Variants in PCDHA3 observed in about 807,000 individuals in gnomAD.
PCDHA3 encodes the protein protocadherin alpha-3.
In PCDHA3, 41 loss-of-function variants were observed where a neutral mutation model predicts 62.2. The observed-to-expected ratio is 0.66, with a 90% CI of 0.51 to 0.86. PCDHA3 has a LOEUF of 0.86. Among genes scored for constraint, PCDHA3 ranks in the 40% least tolerant of loss-of-function variants. The pLI, the probability that PCDHA3 is intolerant of heterozygous loss-of-function variation, is 0.00. For missense variants in PCDHA3, 1,304 were observed against 1,241.2 expected, an observed-to-expected ratio of 1.05 and a Z score of -0.76; for synonymous variants, 640 against 555.4, an observed-to-expected ratio of 1.15 and a Z score of -2.14.
chr5:140,895,136 A>G (rs781801401), intron 1 of PCDHA3, among the ~76,000 whole-genome samples: 43 of 152,306 alleles, frequency 2.8e-4, no homozygotes, highest in Non-Finnish European at 5.6e-4. Context: ...ACAAGTTCAT[A>G]GGGCTAAGAC....
chr5:140,903,647 T>A (rs1583499959), intron 1 of PCDHA3, among the ~76,000 whole-genome samples: 1 of 152,228 alleles, frequency 6.6e-6, no homozygotes, highest in East Asian at 1.9e-4. Flanking sequence ...ACCATATACA[T>A]ATATTATAAA....
chr5:140,830,083 G>A (rs141570762), intron 1 of PCDHA3: 64 of 1,613,578 alleles, frequency 4.0e-5, no homozygotes, highest in Non-Finnish European at 5.1e-5. Flanking sequence ...CGACGGCCAC[G>A]GTTCTGGTGT....
At position 140,801,227 on chromosome 5, in the gene PCDHA3, A is replaced by T. The variant is rs781843722; in HGVS notation, c.30A>T (p.Gly10=). Reference sequence around the variant, plus strand: ...TGTTCTCCTGGCGAGAAGATCCTGGAGCCCAGTGCCTGCTGCTTTCTCTTC... The same window carrying T: ...TGTTCTCCTGGCGAGAAGATCCTGGTGCCCAGTGCCTGCTGCTTTCTCTTC... The part of the protein sequence containing the change: MLFSWREDP[G]AQCLLLSLLL... Residue 10 remains glycine, a synonymous_variant, in exon 1 of 4, where the codon GGA becomes GGT. Coordinates refer to ENST00000522353, the MANE Select transcript of PCDHA3 (RefSeq NM_018906.3). 8 of 1,610,900 alleles carry T rather than the reference A, an allele frequency of 5.0e-6. No homozygotes were observed. The highest frequency in any genetic ancestry group is 6.8e-6 in the Non-Finnish European group (8 of 1,177,986).
At chr5:140,968,464 C>G (rs1554230763) in intron 1 of PCDHA3, 1 of 1,614,114 alleles carries the variant, frequency 6.2e-7, no homozygotes, top group Non-Finnish European at 8.5e-7. Flanking sequence ...TGACTGCCAA[C>G]GTATATGTGG....
At chr5:140,899,423 G>A (rs2067323431) in intron 1 of PCDHA3, among the ~76,000 whole-genome samples, 1 of 152,134 alleles carries the variant, frequency 6.6e-6, no homozygotes. Context: ...TTTGTCAAAG[G>A]TCTTTTCTGC....
At chr5:140,911,518 T>C (rs531265598) in intron 1 of PCDHA3, among the ~76,000 whole-genome samples, 1 of 152,346 alleles carries the variant, frequency 6.6e-6, no homozygotes, top group East Asian at 1.9e-4. Flanking sequence ...TATCTGCTTC[T>C]GAAGCTAGGA....
At chr5:140,972,316 G>T (rs2096531069) in intron 1 of PCDHA3, among the ~76,000 whole-genome samples, 2 of 139,864 alleles carry the variant, frequency 1.4e-5, no homozygotes, top group South Asian at 2.3e-4. Flanking sequence ...GTTTTTAGGT[G>T]TTTTTTTTTT....
At chr5:140,886,615 C>A (rs1032902050) in intron 1 of PCDHA3, among the ~76,000 whole-genome samples, 2 of 152,028 alleles carry the variant, frequency 1.3e-5, no homozygotes, top group Admixed American at 1.3e-4. Flanking sequence ...ATCAGGAGAT[C>A]AGGAGTCCGA....
In PCDHA3 at chr5:140,851,831, A is replaced by T. The variant is rs1171493624; in HGVS notation, c.2394+48240A>T. 16 of 968,114 alleles carry T rather than the reference A, an allele frequency of 1.7e-5. 1 individual carries two copies. Among genetic ancestry groups the T allele is most frequent in the Middle Eastern group, 5.3e-4 (1 of 1,876 alleles). 60.0% of individuals were successfully genotyped at this position (968,114 alleles called of 1,614,324 possible). On this transcript the variant is annotated intron_variant, in intron 1 of 3. Transcript: ENST00000522353. ...CCATAAGACAGAAATCTGTTTTTTT[A>T]AAAATATCTTTTTCTCCTCTCAGCT...
chr5:140,929,698 G>A (rs2086308201), intron 1 of PCDHA3: 1 of 263,620 alleles, frequency 3.8e-6, no homozygotes, highest in Non-Finnish European at 7.5e-6. Flanking sequence ...TGCTTTATAT[G>A]AATATAATAT....
intron 1 of PCDHA3, among the ~76,000 whole-genome samples, chr5:140,938,157 G>C (rs532966795): frequency 6.6e-6 from 1 of 152,022 alleles, no homozygotes; most frequent in African/African-American, 2.4e-5. Context: ...CATTGCCCAG[G>C]CTAGTCTGGA....
At chr5:140,828,862 C>T (rs2150159832) in intron 1 of PCDHA3, 2 of 1,614,178 alleles carry the variant, frequency 1.2e-6, no homozygotes, top group Non-Finnish European at 1.7e-6. Context: ...ATGCAGACAA[C>T]GGAACAACAG....
intron 2 of PCDHA3, among the ~76,000 whole-genome samples, chr5:140,981,152 C>T (rs1340087244): frequency 6.6e-6 from 1 of 152,210 alleles, no homozygotes; most frequent in African/African-American, 2.4e-5. Flanking sequence ...AAACATTGAA[C>T]TTATATGTTG....
In PCDHA3 at chr5:140,801,779, C is replaced by A. The variant is rs782318440; in HGVS notation, c.582C>A (p.Leu194=). 1 of 1,613,678 alleles carries A rather than the reference C, an allele frequency of 6.2e-7. No homozygotes were observed. Among genetic ancestry groups the A allele is most frequent in the South Asian group, 1.1e-5 (1 of 90,968 alleles). The change falls in exon 1 of 4, where the codon CTC becomes CTA. Residue 194 remains leucine, a synonymous_variant. Coordinates refer to ENST00000522353, the MANE Select transcript of PCDHA3 (RefSeq NM_018906.3). The stretch of plus-strand genomic sequence containing the variant: ...ATGAGGAAATTAAATCCCTTGGACT[C>A]GTGTTGAAAAAAAATTTAAATCGAG... The part of the protein sequence containing the change: ...RNDEEIKSLG[L]VLKKNLNRED...
chr5:140,872,178 A>G (rs549229832), intron 1 of PCDHA3, among the ~76,000 whole-genome samples: 2 of 149,926 alleles, frequency 1.3e-5, no homozygotes, highest in Admixed American at 6.6e-5. Context: ...TTTTTTTTTT[A>G]CAGTGTTAAA....
chr5:140,906,377 A>G (rs1322510294), intron 1 of PCDHA3, among the ~76,000 whole-genome samples: 3 of 152,264 alleles, frequency 2.0e-5, no homozygotes, highest in Admixed American at 6.5e-5. Flanking sequence ...ATGCTATTAC[A>G]TAAAGTTAAC....
chr5:140,875,252 C>T, intron 1 of PCDHA3: 1 of 1,041,204 alleles, frequency 9.6e-7, no homozygotes, highest in East Asian at 2.7e-5. Context: ...TAATCAGTCA[C>T]ATGATGTCGC....
chr5:140,898,018 C>G (rs1189161004), intron 1 of PCDHA3, among the ~76,000 whole-genome samples: 1 of 152,062 alleles, frequency 6.6e-6, no homozygotes, highest in African/African-American at 2.4e-5. Flanking sequence ...TATCCTTTGC[C>G]CACTTTTTGA....
At chr5:140,853,596 A>G (rs2042799204) in intron 1 of PCDHA3, 1 of 986,974 alleles carries the variant, frequency 1.0e-6, no homozygotes, top group Non-Finnish European at 1.2e-6. Flanking sequence ...ACACTTTGAG[A>G]GCAAAGGGGG....
Sources: allele counts gnomAD v4.1 joint callset (sites outside exome capture counted in the v4.1 genomes callset), GRCh38; gene constraint gnomAD v4.1.1; transcripts MANE v1.5; gene names NCBI Gene and HGNC (gene_info 2026-07-23, HGNC 2026-07-21).